Variants in ELMO1 observed in about 807,000 individuals in gnomAD.
ELMO1 encodes the protein engulfment and cell motility 1.
A neutral mutation model predicts 98.9 loss-of-function variants in ELMO1; 26 were observed. The ratio of observed to expected loss-of-function variants is 0.26; its 90% CI spans 0.19 to 0.36. The LOEUF is 0.36. Among genes scored for constraint, ELMO1 ranks in the 10% least tolerant of loss-of-function variants. The pLI, the probability that ELMO1 is intolerant of heterozygous loss-of-function variation, is 1.00. For missense variants in ELMO1, 627 were observed against 935.2 expected (o/e 0.67, Z 4.30); for synonymous variants, 346 against 346.0 (o/e 1.00, Z 0.00).
chr7:36,957,187 C>T (rs752857180), intron 16 of ELMO1, among the ~76,000 whole-genome samples: 7 of 152,202 alleles, frequency 4.6e-5, no homozygotes, highest in East Asian at 1.9e-4. Flanking sequence ...AGACCCCAGT[C>T]GCTGAGTGGT....
chr7:37,408,957 G>A (rs537399703), intron 1 of ELMO1, among the ~76,000 whole-genome samples: 1 of 152,248 alleles, frequency 6.6e-6, no homozygotes, highest in Non-Finnish European at 1.5e-5. Context: ...ACAGCCCTGA[G>A]CATGACTTTC....
At chr7:37,352,379 G>T (rs1801311156) in intron 1 of ELMO1, among the ~76,000 whole-genome samples, 1 of 152,216 alleles carries the variant, frequency 6.6e-6, no homozygotes, top group South Asian at 2.1e-4. Context: ...TGGGATTGCA[G>T]GCATGAGCCA....
rs898519156 is a variant in ELMO1 at position 37,101,442 on chromosome 7, G to A, written c.1192-4715C>T. On this transcript the variant is annotated intron_variant, in intron 14 of 21. Transcript: ENST00000310758. ...TAGCGCTCAAAATTCTCTTGGCCCC[G>A]AAGAAGGGGCTACATTCTCTTTTAT... Among the ~76,000 whole-genome samples, 7 of 152,166 alleles carry A rather than the reference G, an allele frequency of 4.6e-5. No homozygotes were observed. In the East Asian group the frequency reaches 5.8e-4, roughly 13 times the overall value.
chr7:37,442,246 G>T (rs539495438), intron 1 of ELMO1, among the ~76,000 whole-genome samples: 2 of 152,222 alleles, frequency 1.3e-5, no homozygotes, highest in African/African-American at 4.8e-5. Context: ...TGAAATAATG[G>T]GTCAGTAAAA....
intron 1 of ELMO1, among the ~76,000 whole-genome samples, chr7:37,446,801 G>A (rs1444160838): frequency 6.6e-6 from 1 of 152,038 alleles, no homozygotes; most frequent in Non-Finnish European, 1.5e-5. Context: ...CAGCAGTCCA[G>A]GTCATTTTCT....
intron 15 of ELMO1, among the ~76,000 whole-genome samples, chr7:37,057,913 C>G (rs1214847504): frequency 6.6e-6 from 1 of 152,190 alleles, no homozygotes; most frequent in African/African-American, 2.4e-5. Flanking sequence ...TCAGCTAACA[C>G]CATTTGAAAA....
intron 16 of ELMO1, among the ~76,000 whole-genome samples, chr7:36,920,253 A>G (rs1297683462): frequency 1.3e-5 from 2 of 152,256 alleles, no homozygotes; most frequent in Non-Finnish European, 2.9e-5. Flanking sequence ...AGTGAATGAA[A>G]TAAGTTGCTT....
At chr7:37,102,844 A>G (rs1384950817) in intron 14 of ELMO1, among the ~76,000 whole-genome samples, 1 of 152,224 alleles carries the variant, frequency 6.6e-6, no homozygotes, top group Non-Finnish European at 1.5e-5. Context: ...ATTCCTATTG[A>G]AAACAGAAAG....
intron 21 of ELMO1, among the ~76,000 whole-genome samples, chr7:36,857,706 C>G (rs1802316486): frequency 6.6e-6 from 1 of 152,160 alleles, no homozygotes; most frequent in Non-Finnish European, 1.5e-5. Context: ...AGAAAACCAC[C>G]TAGCTCTGTC....
chr7:36,922,794 G>A (rs562585868), intron 16 of ELMO1, among the ~76,000 whole-genome samples: 3 of 152,238 alleles, frequency 2.0e-5, no homozygotes, highest in South Asian at 2.1e-4. Flanking sequence ...TTTCATATTC[G>A]TCTTTCATGA....
intron 13 of ELMO1, among the ~76,000 whole-genome samples, chr7:37,196,217 A>C (rs1791954847): frequency 6.6e-6 from 1 of 152,200 alleles, no homozygotes; most frequent in African/African-American, 2.4e-5. Context: ...TGTAGACAGC[A>C]TGTTCCCTTT....
chr7:37,129,458 G>C (rs546579384), intron 14 of ELMO1, among the ~76,000 whole-genome samples: 50 of 152,296 alleles, frequency 3.3e-4, no homozygotes, highest in African/African-American at 1.2e-3. Flanking sequence ...TACGGCATAT[G>C]TCCTCCTAGA....
At chr7:36,948,699 G>A (rs1305476436) in intron 16 of ELMO1, among the ~76,000 whole-genome samples, 1 of 152,106 alleles carries the variant, frequency 6.6e-6, no homozygotes, top group African/African-American at 2.4e-5. Flanking sequence ...AGGAAACTGA[G>A]GGCTAGGATA....
intron 2 of ELMO1, among the ~76,000 whole-genome samples, chr7:37,335,007 A>G (rs1800321354): frequency 6.6e-6 from 1 of 152,236 alleles, no homozygotes; most frequent in African/African-American, 2.4e-5. Flanking sequence ...ACAGTAACGG[A>G]GATCAATGTG....
chr7:37,000,275 C>G (rs554608685), intron 16 of ELMO1, among the ~76,000 whole-genome samples: 1 of 152,188 alleles, frequency 6.6e-6, no homozygotes, highest in East Asian at 1.9e-4. Flanking sequence ...GGACAGAATC[C>G]CGTGCTCTGT....
chr7:36,943,392 C>T (rs1787211827), intron 16 of ELMO1, among the ~76,000 whole-genome samples: 1 of 152,236 alleles, frequency 6.6e-6, no homozygotes, highest in South Asian at 2.1e-4. Flanking sequence ...CTGCCACACT[C>T]ATCCTAACAA....
At chr7:37,387,656 G>A (rs17171019) in intron 1 of ELMO1, among the ~76,000 whole-genome samples, 2,327 of 152,252 alleles carry the variant, frequency 0.015, 64 homozygotes, top group African/African-American at 0.054. Flanking sequence ...TTGAGGCAGT[G>A]TTTCCCTAGC....
chr7:37,420,309 T>C (rs1338418184), intron 1 of ELMO1, among the ~76,000 whole-genome samples: 1 of 152,248 alleles, frequency 6.6e-6, no homozygotes, highest in Non-Finnish European at 1.5e-5. Flanking sequence ...ACACATTTTA[T>C]ACTTGGACAT....
chr7:37,224,164 C>T (rs1221598275), intron 9 of ELMO1, among the ~76,000 whole-genome samples: 1 of 152,214 alleles, frequency 6.6e-6, no homozygotes, highest in Non-Finnish European at 1.5e-5. Flanking sequence ...TGTAAGCAAG[C>T]TCATAATGTT....
Sources: allele counts gnomAD v4.1 joint callset (sites outside exome capture counted in the v4.1 genomes callset), GRCh38; gene constraint gnomAD v4.1.1; transcripts MANE v1.5; gene names NCBI Gene and HGNC (gene_info 2026-07-23, HGNC 2026-07-21).